GULP1: variants seen among roughly 807,000 people sequenced by gnomAD.
GULP1 encodes GULP PTB domain containing engulfment adaptor 1.
Under a neutral mutation model 40.9 loss-of-function variants are expected in GULP1, and 19 were observed. The observed-to-expected ratio is 0.46, with a 90% CI of 0.32 to 0.68. GULP1 has a LOEUF of 0.68. Among genes scored for constraint, GULP1 ranks in the 30% least tolerant of loss-of-function variants. GULP1 has a pLI of 0.03. For synonymous variants in GULP1, 119 were observed against 117.6 expected, an observed-to-expected ratio of 1.01 and a Z score of -0.08; for missense variants, 312 against 362.2, an observed-to-expected ratio of 0.86 and a Z score of 1.12.
At chr2:188,553,583 C>CT (rs1174521318) in intron 7 of GULP1, among the ~76,000 whole-genome samples, 1 of 151,904 alleles carries the variant, frequency 6.6e-6, no homozygotes. Flanking sequence ...CATTTTGTGT[C>CT]TATGTTCATC....
chr2:188,378,338 T>G (rs911821348), intron 1 of GULP1, among the ~76,000 whole-genome samples: 4 of 151,520 alleles, frequency 2.6e-5, no homozygotes, highest in African/African-American at 9.7e-5. Flanking sequence ...CAAAAAAAAT[T>G]ATAAGGTGGC....
intron 2 of GULP1, among the ~76,000 whole-genome samples, chr2:188,446,773 G>A (rs1047761673): frequency 6.6e-6 from 1 of 152,186 alleles, no homozygotes; most frequent in Non-Finnish European, 1.5e-5. Flanking sequence ...GATGAAGTAT[G>A]CTTTGACTTA....
intron 1 of GULP1, among the ~76,000 whole-genome samples, chr2:188,338,089 A>T (rs1181285589): frequency 6.6e-6 from 1 of 152,004 alleles, no homozygotes; most frequent in Non-Finnish European, 1.5e-5. Context: ...AATTCCTTTA[A>T]TTTAAAGAGC....
chr2:188,578,621 A>G (rs912117111), intron 9 of GULP1, among the ~76,000 whole-genome samples: 20 of 152,112 alleles, frequency 1.3e-4, no homozygotes, highest in African/African-American at 4.8e-4. Flanking sequence ...ATATCTGAAT[A>G]ACCTAACAAC....
At chr2:188,419,174 G>A (rs1347427670) in intron 2 of GULP1, among the ~76,000 whole-genome samples, 1 of 152,118 alleles carries the variant, frequency 6.6e-6, no homozygotes, top group Non-Finnish European at 1.5e-5. Flanking sequence ...AGGCATGCTG[G>A]TCTCTCTTTG....
chr2:188,340,096 T>C (rs944014902), intron 1 of GULP1, among the ~76,000 whole-genome samples: 1 of 152,230 alleles, frequency 6.6e-6, no homozygotes, highest in African/African-American at 2.4e-5. Flanking sequence ...GGGGATGGAC[T>C]ACCTTTAGGA....
chr2:188,441,787 C>T (rs1365376137), intron 2 of GULP1, among the ~76,000 whole-genome samples: 1 of 152,178 alleles, frequency 6.6e-6, no homozygotes, highest in Non-Finnish European at 1.5e-5. Context: ...AGTATAAACT[C>T]CTTTTCTTGC....
At chr2:188,404,140 C>A (rs2052712815) in intron 2 of GULP1, among the ~76,000 whole-genome samples, 1 of 151,986 alleles carries the variant, frequency 6.6e-6, no homozygotes, top group Non-Finnish European at 1.5e-5. Context: ...AAAAGGGAGT[C>A]AAGCAGAAAA....
chr2:188,377,010 A>G (rs886247913), intron 1 of GULP1, among the ~76,000 whole-genome samples: 1 of 152,050 alleles, frequency 6.6e-6, no homozygotes, highest in Admixed American at 6.6e-5. Context: ...CATCTCTACT[A>G]AAAATACAAA....
intron 2 of GULP1, among the ~76,000 whole-genome samples, chr2:188,443,309 A>G (rs544065621): frequency 3.3e-5 from 5 of 152,268 alleles, no homozygotes; most frequent in Admixed American, 2.6e-4. Flanking sequence ...TGCTGCCCCT[A>G]TTATGTTGTA....
chr2:188,460,343 A>G (rs963682847), intron 2 of GULP1, among the ~76,000 whole-genome samples: 1 of 150,626 alleles, frequency 6.6e-6, no homozygotes, highest in Non-Finnish European at 1.5e-5. Context: ...TATAGTTTTA[A>G]TTATAGGGAT....
At chr2:188,479,639 A>G (rs1051487991) in intron 3 of GULP1, among the ~76,000 whole-genome samples, 2 of 152,040 alleles carry the variant, frequency 1.3e-5, no homozygotes, top group South Asian at 2.1e-4. Flanking sequence ...TAATCACTCT[A>G]ACTTATTTTT....
At chr2:188,421,248 A>G (rs1218687891) in intron 2 of GULP1, among the ~76,000 whole-genome samples, 3 of 152,228 alleles carry the variant, frequency 2.0e-5, no homozygotes, top group African/African-American at 2.4e-5. Flanking sequence ...TTGTGTTTGT[A>G]TATCCCCATT....
intron 1 of GULP1, among the ~76,000 whole-genome samples, chr2:188,337,869 A>G (rs916293846): frequency 8.5e-5 from 13 of 152,092 alleles, no homozygotes; most frequent in Non-Finnish European, 1.5e-5. Context: ...ACTCTGTGCC[A>G]AAGCCTTGAA....
chr2:188,507,600 C>A (rs2064063699), intron 4 of GULP1, among the ~76,000 whole-genome samples: 1 of 151,808 alleles, frequency 6.6e-6, no homozygotes, highest in African/African-American at 2.4e-5. Context: ...TGAAAACAAT[C>A]AAATTAATCT....
chr2:188,314,950 A>G (rs2038836802), intron 1 of GULP1, among the ~76,000 whole-genome samples: 1 of 152,152 alleles, frequency 6.6e-6, no homozygotes, highest in African/African-American at 2.4e-5. Context: ...GTCTTGGTAT[A>G]GCAGTGCTTG....
chr2:188,491,167 T>C (rs182254251), intron 4 of GULP1, among the ~76,000 whole-genome samples: 1 of 152,038 alleles, frequency 6.6e-6, no homozygotes, highest in Admixed American at 6.6e-5. Flanking sequence ...TGATTTGGTC[T>C]CAAAAGGGTC....
At chr2:188,298,590 G>C (rs1254575886) in intron 1 of GULP1, among the ~76,000 whole-genome samples, 1 of 152,070 alleles carries the variant, frequency 6.6e-6, no homozygotes, top group Non-Finnish European at 1.5e-5. Context: ...GCATCACCAT[G>C]ACTGGATATG....
intron 1 of GULP1, among the ~76,000 whole-genome samples, chr2:188,330,085 G>A (rs2041356132): frequency 6.6e-6 from 1 of 152,076 alleles, no homozygotes; most frequent in South Asian, 2.1e-4. Context: ...TTAAAGTTAT[G>A]AAACATACTC....
Sources: gnomAD v4.1 joint callset for allele counts (sites outside exome capture counted in the v4.1 genomes callset) on GRCh38, gnomAD v4.1.1 for gene constraint, MANE v1.5 for transcripts, NCBI Gene and HGNC (gene_info 2026-07-23, HGNC 2026-07-21) for gene names.